The following NECAB1 variants were observed in gnomAD, a reference collection of about 807,000 sequenced individuals.
NECAB1 encodes N-terminal EF-hand calcium binding protein 1.
Under a neutral mutation model 57.5 loss-of-function variants are expected in NECAB1, and 29 were observed. The observed-to-expected ratio is 0.50, with a 90% CI of 0.38 to 0.69. The LOEUF (loss-of-function observed/expected upper bound fraction) is 0.69, where lower values mean the gene tolerates loss of function less well. NECAB1 is among the 30% of genes least tolerant of loss of function. The pLI is 0.00. For synonymous variants in NECAB1, 142 were observed against 147.7 expected (o/e 0.96, Z 0.28); for missense variants, 372 against 413.8 (o/e 0.90, Z 0.88).
intron 7 of NECAB1, among the ~76,000 whole-genome samples, chr8:90,927,400 AT>A (rs1810300482): frequency 6.6e-6 from 1 of 152,076 alleles, no homozygotes; most frequent in East Asian, 1.9e-4. Flanking sequence ...ATAGTCTTGA[AT>A]TCAATCACAT....
intron 3 of NECAB1, among the ~76,000 whole-genome samples, chr8:90,870,180 G>A (rs1808597484): frequency 1.3e-5 from 2 of 152,114 alleles, no homozygotes; most frequent in South Asian, 4.1e-4. Context: ...CTTCCTGACA[G>A]TCTGTGGAAT....
At chr8:90,845,522 A>G (rs1433190839) in intron 3 of NECAB1, among the ~76,000 whole-genome samples, 1 of 152,212 alleles carries the variant, frequency 6.6e-6, no homozygotes, top group Non-Finnish European at 1.5e-5. Context: ...TGGTTTTCAA[A>G]AAAAATAAAG....
At chr8:90,878,931 A>G (rs1808778590) in intron 4 of NECAB1, among the ~76,000 whole-genome samples, 1 of 147,572 alleles carries the variant, frequency 6.8e-6, no homozygotes, top group African/African-American at 2.5e-5. Context: ...ATATATATAT[A>G]GTAAGTATTT....
At chr8:90,849,356 CT>C (rs1466579464) in intron 3 of NECAB1, among the ~76,000 whole-genome samples, 2 of 151,922 alleles carry the variant, frequency 1.3e-5, no homozygotes, top group Non-Finnish European at 2.9e-5. Context: ...GTAGTTCCAG[CT>C]GCTTGGGAGG....
chr8:90,867,408 C>T (rs1042521598), intron 3 of NECAB1, among the ~76,000 whole-genome samples: 2 of 152,158 alleles, frequency 1.3e-5, no homozygotes, highest in East Asian at 3.8e-4. Flanking sequence ...GAAAACACTA[C>T]GATTAGGAAA....
chr8:90,879,229 C>A (rs1218047247), intron 4 of NECAB1, among the ~76,000 whole-genome samples: 1 of 146,496 alleles, frequency 6.8e-6, no homozygotes, highest in Non-Finnish European at 1.5e-5. Context: ...TCATCTGTAG[C>A]CCAGGCTGGA....
rs1277452735 is a variant in NECAB1 at position 90,881,045 on chromosome 8, A to G, written c.272A>G (p.Gln91Arg). The change falls in exon 5 of 13, where the codon CAG becomes CGG. Residue 91 changes from glutamine (Q) to arginine (R), a missense_variant. Coordinates refer to ENST00000417640, the MANE Select transcript of NECAB1 (RefSeq NM_022351.5). ...DTEELCEYFS[Q>R]HLGEYENVLA... is the part of the protein sequence containing the mutation. Reference sequence around the variant, plus strand: ...TTTCATTTTTCAGAATATTTTTCTCAGCACTTGGGCGAGTATGAGAATGTA... The same window carrying G: ...TTTCATTTTTCAGAATATTTTTCTCGGCACTTGGGCGAGTATGAGAATGTA... 1 of 1,596,702 alleles carries G rather than the reference A, an allele frequency of 6.3e-7. No individual in the cohort carries two copies.
intron 2 of NECAB1, among the ~76,000 whole-genome samples, chr8:90,809,910 AG>A (rs1586034593): frequency 6.6e-6 from 1 of 152,226 alleles, no homozygotes; most frequent in East Asian, 1.9e-4. Flanking sequence ...AAAATATTAC[AG>A]TAATAACAGT....
rs34779201 is a variant in NECAB1, at chr8:90,849,686, A to ATTTTTTTTTT, written c.234-22426_234-22417dup. 1.3e-4 allele frequency among the ~76,000 whole-genome samples: 11 copies of ATTTTTTTTTT among 84,126 alleles called. 2 individuals carry two copies. The highest frequency in any genetic ancestry group is 3.7e-4 in the African/African-American group (9 of 24,516). The allele number at this position is 84,126 out of a possible 152,430, so 55.2% of individuals were successfully genotyped here. A position where few individuals can be genotyped will look rare whatever the true frequency, so the allele number is the denominator to read the frequency against. On this transcript the variant is annotated intron_variant, in intron 3 of 12. Transcript: ENST00000417640. ...TTTTTTATGTTTAAAGTTTCCAGTA[A>ATTTTTTTTTT]TTTTTTTTTTTTTTTTTTTTTTTTT...
chr8:90,906,907 A>ATC (rs1563528380), intron 5 of NECAB1, among the ~76,000 whole-genome samples: 2 of 57,306 alleles, frequency 3.5e-5, no homozygotes, highest in Non-Finnish European at 6.0e-5. Context: ...ATATATATAT[A>ATC]TATCTTCTCA....
At chr8:90,807,969 T>C (rs1051824527) in intron 2 of NECAB1, among the ~76,000 whole-genome samples, 1 of 152,168 alleles carries the variant, frequency 6.6e-6, no homozygotes, top group African/African-American at 2.4e-5. Context: ...AATGTAATGA[T>C]TTTTTTAACA....
At chr8:90,942,644 G>A (rs1339072489) in intron 10 of NECAB1, among the ~76,000 whole-genome samples, 2 of 152,172 alleles carry the variant, frequency 1.3e-5, no homozygotes, top group Admixed American at 1.3e-4. Flanking sequence ...AGCACTTTGG[G>A]AGGCCGAGGC....
chr8:90,923,133 C>T (rs1810169379), intron 6 of NECAB1, among the ~76,000 whole-genome samples: 2 of 152,104 alleles, frequency 1.3e-5, no homozygotes. Context: ...CCATGTGGAA[C>T]TGAAAATGAG....
At chr8:90,803,375 T>A (rs1039967572) in intron 2 of NECAB1, among the ~76,000 whole-genome samples, 1 of 152,140 alleles carries the variant, frequency 6.6e-6, no homozygotes, top group South Asian at 2.1e-4. Context: ...AGAAATGCTT[T>A]TGCTCCCTCT....
intron 6 of NECAB1, among the ~76,000 whole-genome samples, chr8:90,923,715 T>C (rs1810187881): frequency 1.1e-4 from 16 of 152,168 alleles, no homozygotes; most frequent in Admixed American, 1.0e-3. Flanking sequence ...ATTGCATTTA[T>C]GAATTAAGGA....
At chr8:90,839,427 C>G (rs1812420912) in intron 3 of NECAB1, among the ~76,000 whole-genome samples, 1 of 152,110 alleles carries the variant, frequency 6.6e-6, no homozygotes, top group African/African-American at 2.4e-5. Context: ...ATTGTACCAG[C>G]TACTAGGAAT....
chr8:90,951,075 TA>T, intron 11 of NECAB1, 37 bp from the exon 12 acceptor site: 1 of 1,292,170 alleles, frequency 7.7e-7, no homozygotes, highest in Non-Finnish European at 1.1e-6. Context: ...AGATTGTAAA[TA>T]AAAATGCACA....
At chr8:90,927,808 T>C (rs1394574103) in intron 7 of NECAB1, among the ~76,000 whole-genome samples, 1 of 151,456 alleles carries the variant, frequency 6.6e-6, no homozygotes, top group Non-Finnish European at 1.5e-5. Flanking sequence ...CCTTATGGTT[T>C]TTTTTTTTAT....
At chr8:90,862,626 C>A (rs1436447307) in intron 3 of NECAB1, among the ~76,000 whole-genome samples, 1 of 151,950 alleles carries the variant, frequency 6.6e-6, no homozygotes, top group African/African-American at 2.4e-5. Context: ...TGTACACAGA[C>A]TTTTGTACTT....
Sources: allele counts gnomAD v4.1 joint callset (sites outside exome capture counted in the v4.1 genomes callset), GRCh38; gene constraint gnomAD v4.1.1; transcripts MANE v1.5; gene names NCBI Gene and HGNC (gene_info 2026-07-23, HGNC 2026-07-21).